HOOK2: variants seen among roughly 807,000 people sequenced by gnomAD.
HOOK2 encodes protein Hook homolog 2.
In HOOK2, 108 loss-of-function variants were observed where a neutral mutation model predicts 111.9. The observed-to-expected ratio is 0.96, with a 90% CI of 0.83 to 1.13. The LOEUF (loss-of-function observed/expected upper bound fraction) is 1.13, where lower values mean the gene tolerates loss of function less well. Among genes scored for constraint, HOOK2 ranks in the 50% most tolerant of loss-of-function variants. The pLI is 0.00. For missense variants in HOOK2, 978 were observed against 951.3 expected (o/e 1.03, Z -0.37); for synonymous variants, 405 against 394.3 (o/e 1.03, Z -0.32).
upstream of HOOK2, among the ~76,000 whole-genome samples, chr19:12,780,410 G>T (rs1968587886): frequency 6.6e-6 from 1 of 151,734 alleles, no homozygotes; most frequent in African/African-American, 2.4e-5. Context: ...AGGCTGGAGT[G>T]CAGTGGAGCG....
intron 13 of HOOK2, among the ~76,000 whole-genome samples, 160 bp from the exon 14 acceptor site, chr19:12,767,624 C>A (rs1310638229): frequency 6.6e-6 from 1 of 152,170 alleles, no homozygotes; most frequent in Non-Finnish European, 1.5e-5. Flanking sequence ...GGAGGGTTGG[C>A]CAAGCTTTTT....
intron 11 of HOOK2, among the ~76,000 whole-genome samples, chr19:12,769,482 AT>A (rs1374185530): frequency 6.6e-6 from 1 of 152,030 alleles, no homozygotes; most frequent in African/African-American, 2.4e-5. Flanking sequence ...GAATGCAGTG[AT>A]GCAGCCACAG....
upstream of HOOK2, chr19:12,778,585 C>T (rs1377266878): frequency 6.6e-6 from 1 of 152,186 alleles, no homozygotes; most frequent in African/African-American, 2.4e-5. Flanking sequence ...ACCCCGTTCC[C>T]AGGTAGCAAT....
intron 3 of HOOK2, 139 bp from the exon 4 acceptor site, chr19:12,773,183 G>C: frequency 1.4e-6 from 1 of 721,528 alleles, no homozygotes; most frequent in East Asian, 2.7e-5. Context: ...CTCTAGGGGT[G>C]ACCTGTCTGG....
chr19:12,773,239 T>TTTG, intron 3 of HOOK2, 195 bp from the exon 4 acceptor site: 1 of 496,910 alleles, frequency 2.0e-6, no homozygotes, highest in Non-Finnish European at 3.5e-6. Context: ...TTCTTTTTTT[T>TTTG]TTTTTTTTTT....
chr19:12,782,995 A>G (rs916306778), upstream of HOOK2, among the ~76,000 whole-genome samples: 2 of 151,708 alleles, frequency 1.3e-5, no homozygotes, highest in South Asian at 2.1e-4. Context: ...TCTACTGACA[A>G]TGCGCTTCCC....
At chr19:12,776,553 C>T (rs1331341373), upstream of HOOK2, among the ~76,000 whole-genome samples, 8 of 151,442 alleles carry the variant, frequency 5.3e-5, no homozygotes, top group African/African-American at 1.9e-4. Context: ...TGGTGGCGCA[C>T]GCCTGATTTC....
Position 12,765,581 on chromosome 19 carries a change from C to T in HOOK2, c.1640+109G>A. Reference sequence around the variant, plus strand: ...TGGCCAACATAGTGAAACCCCGTCTCTACTAAAAATATAAAAAATCAGCCA... The same window carrying T: ...TGGCCAACATAGTGAAACCCCGTCTTTACTAAAAATATAAAAAATCAGCCA... On this transcript the variant is annotated intron_variant, in intron 18 of 22. Transcript: ENST00000397668. 12 of 1,414,852 alleles carry T rather than the reference C, an allele frequency of 8.5e-6. No individual in the cohort carries two copies. The South Asian group carries it at 1.4e-4, about 16-fold the overall frequency. 87.6% of individuals were successfully genotyped at this position (1,414,852 alleles called of 1,614,324 possible).
upstream of HOOK2, among the ~76,000 whole-genome samples, chr19:12,778,954 C>T (rs1379153446): frequency 6.6e-6 from 1 of 152,186 alleles, no homozygotes; most frequent in Non-Finnish European, 1.5e-5. Flanking sequence ...GGGAGCCCCG[C>T]TGTGCGGAGA....
intron 14 of HOOK2, among the ~76,000 whole-genome samples, chr19:12,767,088 C>T (rs940631032): frequency 5.3e-5 from 8 of 152,120 alleles, no homozygotes; most frequent in Non-Finnish European, 1.0e-4. Flanking sequence ...AGAGGTTACA[C>T]TAACAGGGGT....
upstream of HOOK2, among the ~76,000 whole-genome samples, chr19:12,782,303 C>T (rs953680905): frequency 2.0e-5 from 3 of 152,234 alleles, no homozygotes; most frequent in Non-Finnish European, 4.4e-5. Flanking sequence ...TGTCCGTGTT[C>T]GCTGCGAGGC....
Position 12,766,253 on chromosome 19 carries a change from G to T in HOOK2, c.1374-13C>A, listed in dbSNP as rs754848145. The T allele has an allele frequency of 1.9e-6, 3 of 1,556,480 alleles. No individual in the cohort carries two copies. The highest frequency in any genetic ancestry group is 2.3e-5 in the South Asian group (2 of 86,048). On this transcript the variant is annotated splice_polypyrimidine_tract_variant and intron_variant, in intron 14 of 22. Coordinates refer to ENST00000397668, the MANE Select transcript of HOOK2 (RefSeq NM_013312.3). ...CAGGAGCGTCTCCCTGCAGACCCGG[G>T]AGGAGAGAGCAGGGCCAGGGTCGAG...
Position 12,767,907 on chromosome 19 carries a change from C to A in HOOK2, c.1216-4G>T. 1 of 1,611,078 alleles carries A rather than the reference C, an allele frequency of 6.2e-7. No individual in the cohort carries two copies. Among genetic ancestry groups the A allele is most frequent in the Non-Finnish European group, 8.5e-7 (1 of 1,179,218 alleles). On this transcript the variant is annotated splice_region_variant and splice_polypyrimidine_tract_variant and intron_variant, in intron 12 of 22. Transcript: ENST00000397668. ...AGTCCCGCTCCGCCAACAGCCGCTG[C>A]AGGGACAGGGTACAAGACACTCCAC...
Position 12,791,454 on chromosome 19 carries a change from G to A in HOOK2, n.42-17229C>T, listed in dbSNP as rs576312712. On this transcript the variant is annotated intron_variant and non_coding_transcript_variant, in intron 3 of 3. Coordinates refer to the HOOK2 transcript ENST00000589765. The surrounding 1 kb of genome is among the most constrained non-coding windows in gnomAD (Gnocchi z 7.0). ...CGCACTTCCGTGGCTGACTAGCGCG[G>A]TATAAAGGCGTGTGGCTCAGGCTGA... is the stretch of plus-strand genomic sequence containing the variant. 65 of 277,896 alleles carry A rather than the reference G, an allele frequency of 2.3e-4. No individual in the cohort carries two copies. In the South Asian group the frequency reaches 4.0e-3, roughly 17 times the overall value. The allele number at this position is 277,896 out of a possible 1,614,324, so 17.2% of individuals were successfully genotyped here.
chr19:12,788,006 C>T (rs1026209555), intron 3 of HOOK2, among the ~76,000 whole-genome samples: 3 of 151,856 alleles, frequency 2.0e-5, no homozygotes, highest in Non-Finnish European at 4.4e-5. Flanking sequence ...AGTGAGCCAA[C>T]ATCATGCCAT....
At chr19:12,768,393 C>T (rs561328305) in intron 11 of HOOK2, among the ~76,000 whole-genome samples, 24 of 152,202 alleles carry the variant, frequency 1.6e-4, no homozygotes, top group African/African-American at 5.5e-4. Context: ...TTGCACCCAG[C>T]CGACTGTGAA....
chr19:12,774,136 C>T (rs1036254805), intron 3 of HOOK2: 10 of 158,674 alleles, frequency 6.3e-5, no homozygotes, highest in Admixed American at 6.0e-5. Flanking sequence ...ACAAGAGTCT[C>T]GCTCTGTTGC....
intron 3 of HOOK2, chr19:12,792,108 C>A (rs774146698): frequency 6.3e-7 from 1 of 1,599,934 alleles, no homozygotes; most frequent in South Asian, 1.1e-5. Flanking sequence ...CTTTTACCCC[C>A]GCGGGGGTGG....
chr19:12,774,848 C>T lies in HOOK2; in HGVS notation c.95G>A (p.Ser32Asn). Reference sequence around the variant, plus strand: ...CACATAGGCTACGGCAAGGCCGCTGCTCAGGTCCTGAGGGCTGGCACAGGG... The same window carrying T: ...CACATAGGCTACGGCAAGGCCGCTGTTCAGGTCCTGAGGGCTGGCACAGGG... ...PSPCASPQDL[S>N]SGLAVAYVLN... Residue 32 changes from serine to asparagine, a missense_variant, in exon 2 of 23, where the codon AGC becomes AAC. Ser to Asn is a conservative substitution (Grantham distance 46). Around this residue, in one of 5 missense-constraint regions of HOOK2, gnomAD observed 301 missense variants for 286.1 expected, o/e 1.05. Transcript: ENST00000397668. 1 of 1,614,068 alleles carries T rather than the reference C, an allele frequency of 6.2e-7. No homozygotes were observed. The highest frequency in any genetic ancestry group is 8.5e-7 in the Non-Finnish European group (1 of 1,179,988).
Sources: gnomAD v4.1 joint callset for allele counts (sites outside exome capture counted in the v4.1 genomes callset) on GRCh38, gnomAD v4.1.1 for gene constraint, gnomAD v4.1.1 regional missense constraint, Gnocchi (gnomAD v3.1) non-coding constraint, MANE v1.5 for transcripts, NCBI Gene and HGNC (gene_info 2026-07-23, HGNC 2026-07-21) for gene names.